Variants in SMARCAL1 observed in about 807,000 individuals in gnomAD.
SMARCAL1 encodes the protein SNF2 related chromatin remodeling annealing helicase 1.
A neutral mutation model predicts 94.5 loss-of-function variants in SMARCAL1; 58 were observed. The observed-to-expected ratio is 0.61, with a 90% CI of 0.50 to 0.76. The LOEUF (loss-of-function observed/expected upper bound fraction) is 0.76, where lower values mean the gene tolerates loss of function less well. Among genes scored for constraint, SMARCAL1 ranks in the 30% least tolerant of loss-of-function variants. The pLI, the probability that SMARCAL1 is intolerant of heterozygous loss-of-function variation, is 0.00. For missense variants in SMARCAL1, 1,051 were observed against 1,177.9 expected (o/e 0.89, Z 1.58); for synonymous variants, 422 against 455.1 (o/e 0.93, Z 0.93).
intron 4 of SMARCAL1, among the ~76,000 whole-genome samples, chr2:216,420,048 GA>G (rs1319032782): frequency 8.8e-4 from 99 of 112,694 alleles, no homozygotes; most frequent in Middle Eastern, 4.3e-3. Context: ...AAAAAAAAAA[GA>G]AAAAAAAAAA....
intron 8 of SMARCAL1, 146 bp downstream of exon 8, chr2:216,433,014 A>T: frequency 9.8e-7 from 1 of 1,023,092 alleles, no homozygotes; most frequent in South Asian, 1.3e-5. Flanking sequence ...ATGAGATGCC[A>T]CCTGAGGGCA....
chr2:216,427,548 T>A (rs572556950), intron 6 of SMARCAL1: 2 of 152,294 alleles, frequency 1.3e-5, no homozygotes, highest in South Asian at 4.2e-4. Context: ...CATACTCAGA[T>A]TTAATTTGGA....
intron 14 of SMARCAL1, among the ~76,000 whole-genome samples, chr2:216,469,573 G>A (rs369113309): frequency 2.0e-5 from 3 of 152,238 alleles, no homozygotes; most frequent in African/African-American, 4.8e-5. Flanking sequence ...TGCATTACAC[G>A]TATAGTTCAT....
chr2:216,458,980 C>A (rs1694635545), intron 12 of SMARCAL1, among the ~76,000 whole-genome samples: 1 of 152,164 alleles, frequency 6.6e-6, no homozygotes, highest in African/African-American at 2.4e-5. Flanking sequence ...GCAACTTCAG[C>A]AAAGTCTCAG....
In SMARCAL1 at chr2:216,450,834, T is replaced by C; in HGVS notation, c.1852-12T>C. 1 of 1,610,740 alleles carries C rather than the reference T, an allele frequency of 6.2e-7. No individual in the cohort carries two copies. Among genetic ancestry groups the C allele is most frequent in the Non-Finnish European group, 8.5e-7 (1 of 1,177,588 alleles). ...GAGCCTCATGGGGCTGTCGCTGTCT[T>C]GTTCTCTGCAGATGCCTTGGGGGTG... On this transcript the variant is annotated splice_polypyrimidine_tract_variant and intron_variant, in intron 11 of 17. Coordinates refer to ENST00000357276, the MANE Select transcript of SMARCAL1 (RefSeq NM_014140.4).
At chr2:216,464,565 G>A in intron 12 of SMARCAL1, 32 bp from the exon 13 acceptor site, 1 of 1,518,366 alleles carries the variant, frequency 6.6e-7, no homozygotes, top group Admixed American at 1.7e-5. Flanking sequence ...TCAGACTGGG[G>A]CACTTAACAT....
In SMARCAL1 at chr2:216,415,496, C is replaced by T; in HGVS notation, c.792C>T (p.Thr264=). The change falls in exon 3 of 18, where the codon ACC becomes ACT. Residue 264 remains threonine, a synonymous_variant. Transcript: ENST00000357276. The part of the protein sequence containing the change: ...YNAELIAVFK[T]LPSKNYDPDT... ...CGGAACTCATTGCAGTGTTTAAGAC[C>T]CTGCCCAGCAAGAATTATGGTAATG... The T allele has an allele frequency of 6.2e-7, 1 of 1,612,812 alleles. No homozygotes were observed. Among genetic ancestry groups the T allele is most frequent in the Non-Finnish European group, 8.5e-7 (1 of 1,179,370 alleles).
intron 8 of SMARCAL1, among the ~76,000 whole-genome samples, chr2:216,435,088 T>C (rs1367180041): frequency 6.6e-6 from 1 of 151,818 alleles, no homozygotes; most frequent in African/African-American, 2.4e-5. Flanking sequence ...AAACTCCCGA[T>C]CTCAGGTGAT....
chr2:216,449,693 A>G (rs1358838789), intron 11 of SMARCAL1, among the ~76,000 whole-genome samples: 1 of 152,150 alleles, frequency 6.6e-6, no homozygotes, highest in Non-Finnish European at 1.5e-5. Flanking sequence ...ACCCTCAGGT[A>G]GCTAGCTCAT....
intron 13 of SMARCAL1, 114 bp downstream of exon 13, chr2:216,464,781 A>T (rs1241230339): frequency 1.2e-6 from 1 of 803,606 alleles, no homozygotes; most frequent in African/African-American, 1.7e-5. Flanking sequence ...ATGACCAGAG[A>T]TTATTAAATG....
Position 216,475,231 on chromosome 2 carries a change from G to A in SMARCAL1, c.2245-38G>A. ...TGTGGTTTGCTGAGAAGCCCCCGGG[G>A]CTGTTGCCCACCTTGCTTCTGCCCC... On this transcript the variant is annotated intron_variant, in intron 14 of 17. Transcript: ENST00000357276. This position sits in a 1 kb window ranked among gnomAD's most constrained non-coding sequence, Gnocchi z 4.4. 1.9e-6 allele frequency: 3 copies of A among 1,612,210 alleles called. No individual in the cohort carries two copies. Among genetic ancestry groups the A allele is most frequent in the Admixed American group, 1.7e-5 (1 of 60,026 alleles).
intron 1 of SMARCAL1, among the ~76,000 whole-genome samples, chr2:216,413,323 C>G (rs896628169): frequency 1.3e-5 from 2 of 152,174 alleles, no homozygotes; most frequent in Non-Finnish European, 2.9e-5. Context: ...TGAACCAAGC[C>G]AGACAAATTG....
chr2:216,480,869 G>C (rs1695179430), intron 17 of SMARCAL1, among the ~76,000 whole-genome samples: 1 of 152,182 alleles, frequency 6.6e-6, no homozygotes. Context: ...ATCTTTAAAG[G>C]AGAGCCTGGG....
At position 216,475,077 on chromosome 2, in the gene SMARCAL1, T is replaced by C. The variant is rs77396360; in HGVS notation, c.2245-192T>C. Among the ~76,000 whole-genome samples the C allele has an allele frequency of 6.5e-3, 990 of 152,364 alleles. 8 individuals are homozygous for C. The highest frequency in any genetic ancestry group is 0.022 in the African/African-American group (920 of 41,580). On this transcript the variant is annotated intron_variant, in intron 14 of 17. Coordinates refer to ENST00000357276, the MANE Select transcript of SMARCAL1 (RefSeq NM_014140.4). The surrounding 1 kb of genome is among the most constrained non-coding windows in gnomAD (Gnocchi z 4.4). The stretch of plus-strand genomic sequence containing the variant: ...GGCAAAGGCCTAAGAGGGATCTCTA[T>C]TATTTCTTACAATGGCACCTGAGTA...
At position 216,461,845 on chromosome 2, in the gene SMARCAL1, A is replaced by G. The variant is rs936734405; in HGVS notation, c.2071-2752A>G. On this transcript the variant is annotated intron_variant, in intron 12 of 17. Coordinates refer to ENST00000357276, the MANE Select transcript of SMARCAL1 (RefSeq NM_014140.4). ...ACCTTGTCTCAAAAAAAAAAAAAAC[A>G]AACCATAATATTTAAAGACTGCATA... Among the ~76,000 whole-genome samples the G allele has an allele frequency of 2.6e-5, 4 of 151,738 alleles. No homozygotes were observed. In the South Asian group the frequency reaches 8.3e-4, roughly 32 times the overall value.
chr2:216,436,308 C>T (rs1489393143), intron 9 of SMARCAL1, among the ~76,000 whole-genome samples: 1 of 152,188 alleles, frequency 6.6e-6, no homozygotes, highest in Non-Finnish European at 1.5e-5. Flanking sequence ...GGACCTGCTT[C>T]CAGATTTGAC....
chr2:216,432,661 A>T (rs1037301771), intron 7 of SMARCAL1, 57 bp from the exon 8 acceptor site: 1 of 1,604,442 alleles, frequency 6.2e-7, no homozygotes, highest in Non-Finnish European at 8.5e-7. Flanking sequence ...ACCGGACATG[A>T]GGGCAGATGA....
intron 10 of SMARCAL1, among the ~76,000 whole-genome samples, chr2:216,445,281 A>C (rs1054631938): frequency 6.6e-6 from 1 of 151,820 alleles, no homozygotes. Flanking sequence ...GAGCAGGCCA[A>C]ATCACCCCAT....
At chr2:216,432,286 G>A (rs1277261582) in intron 7 of SMARCAL1, among the ~76,000 whole-genome samples, 2 of 152,004 alleles carry the variant, frequency 1.3e-5, no homozygotes, top group Non-Finnish European at 2.9e-5. Flanking sequence ...GAGCCACCGC[G>A]CCCGACCCTT....
Sources: allele counts gnomAD v4.1 joint callset (sites outside exome capture counted in the v4.1 genomes callset), GRCh38; gene constraint gnomAD v4.1.1; non-coding constraint Gnocchi (gnomAD v3.1); transcripts MANE v1.5; gene names NCBI Gene and HGNC (gene_info 2026-07-23, HGNC 2026-07-21).